FANCC: variants seen among roughly 807,000 people sequenced by gnomAD.
FANCC encodes the protein Fanconi anemia group C protein.
In FANCC, 55 loss-of-function variants were observed where a neutral mutation model predicts 71.3. The observed-to-expected ratio is 0.77, with a 90% CI of 0.62 to 0.97. The LOEUF is 0.97. FANCC is among the 50% of genes least tolerant of loss of function. The pLI, the probability that FANCC is intolerant of heterozygous loss-of-function variation, is 0.00. For missense variants in FANCC, 678 were observed against 670.9 expected (o/e 1.01, Z -0.12); for synonymous variants, 275 against 244.9 (o/e 1.12, Z -1.15).
chr9:95,223,643 G>T (rs1338116662), intron 4 of FANCC, among the ~76,000 whole-genome samples: 1 of 152,098 alleles, frequency 6.6e-6, no homozygotes, highest in Non-Finnish European at 1.5e-5. Flanking sequence ...TAATGAATAG[G>T]TGAGGTTCTT....
At chr9:95,231,184 C>G (rs4647452) in intron 4 of FANCC, among the ~76,000 whole-genome samples, 1,724 of 152,280 alleles carry the variant, frequency 0.011, 31 homozygotes, top group African/African-American at 0.039. Context: ...TATTTTAGAC[C>G]ATGAGTTTAT....
chr9:95,205,688 T>TA (rs1166562785), intron 4 of FANCC, among the ~76,000 whole-genome samples: 1 of 152,056 alleles, frequency 6.6e-6, no homozygotes, highest in African/African-American at 2.4e-5. Context: ...CTAAACTCCA[T>TA]AATTCTCATT....
intron 7 of FANCC, among the ~76,000 whole-genome samples, chr9:95,148,546 A>G (rs968684324): frequency 3.3e-5 from 5 of 152,220 alleles, no homozygotes; most frequent in African/African-American, 1.2e-4. Context: ...ATGTCCACCA[A>G]CATAAGCTTG....
intron 1 of FANCC, among the ~76,000 whole-genome samples, chr9:95,277,089 G>GT (rs1833085242): frequency 6.6e-6 from 1 of 152,192 alleles, no homozygotes; most frequent in South Asian, 2.1e-4. Flanking sequence ...TTCTTGAACA[G>GT]TTATTAGCCA....
chr9:95,159,369 T>C (rs1830620201), intron 6 of FANCC, among the ~76,000 whole-genome samples: 1 of 152,206 alleles, frequency 6.6e-6, no homozygotes, highest in South Asian at 2.1e-4. Context: ...AACTCATCCT[T>C]TTTTATGGCT....
At chr9:95,248,257 G>C (rs1422951833) in intron 2 of FANCC, among the ~76,000 whole-genome samples, 1 of 152,006 alleles carries the variant, frequency 6.6e-6, no homozygotes, top group Non-Finnish European at 1.5e-5. Context: ...GACACAATGG[G>C]CACTTTCTGC....
intron 4 of FANCC, among the ~76,000 whole-genome samples, chr9:95,177,641 T>C (rs1404252127): frequency 6.6e-6 from 1 of 152,356 alleles, no homozygotes; most frequent in East Asian, 1.9e-4. Context: ...CCTTATATCA[T>C]AAGCTTTTCT....
chr9:95,101,860 G>C lies in FANCC; in HGVS notation c.1534-10C>G, dbSNP rs1356632872. 3 of 1,613,836 alleles carry C rather than the reference G, an allele frequency of 1.9e-6. No homozygotes were observed. Among genetic ancestry groups the C allele is most frequent in the Non-Finnish European group, 2.5e-6 (3 of 1,179,920 alleles). On this transcript the variant is annotated splice_polypyrimidine_tract_variant and intron_variant, in intron 14 of 14. Transcript: ENST00000289081. ...CAGCAGTGTGAGCCATCTGCAATCA[G>C]GACAGAAGAGAAGGCAAATTAAAAC...
At chr9:95,107,376 T>A in intron 13 of FANCC, 107 bp from the exon 14 acceptor site, 1 of 1,246,984 alleles carries the variant, frequency 8.0e-7, no homozygotes, top group Non-Finnish European at 1.1e-6. Context: ...GGGTAAGCAC[T>A]GGCCCCTGAG....
At chr9:95,194,901 G>A (rs1340500737) in intron 4 of FANCC, among the ~76,000 whole-genome samples, 2 of 152,054 alleles carry the variant, frequency 1.3e-5, no homozygotes, top group Non-Finnish European at 2.9e-5. Flanking sequence ...AGCAAGTATA[G>A]AAACTATGCC....
chr9:95,241,073 C>CA (rs1475225864), intron 3 of FANCC, among the ~76,000 whole-genome samples: 1 of 152,142 alleles, frequency 6.6e-6, no homozygotes, highest in Non-Finnish European at 1.5e-5. Context: ...TTTTTAAAGC[C>CA]AAACGAGAAT....
chr9:95,141,576 C>T (rs545742364), intron 7 of FANCC, among the ~76,000 whole-genome samples: 1 of 152,044 alleles, frequency 6.6e-6, no homozygotes, highest in African/African-American at 2.4e-5. Flanking sequence ...TTCTAATTTA[C>T]GTTTTCATTT....
chr9:95,264,083 G>C (rs1180296656), intron 1 of FANCC, among the ~76,000 whole-genome samples: 1 of 152,194 alleles, frequency 6.6e-6, no homozygotes, highest in Non-Finnish European at 1.5e-5. Context: ...TCACAGCCCC[G>C]TGTCCTCACA....
chr9:95,188,298 C>A (rs1826859470), intron 4 of FANCC, among the ~76,000 whole-genome samples: 1 of 152,178 alleles, frequency 6.6e-6, no homozygotes, highest in African/African-American at 2.4e-5. Flanking sequence ...AGGTGTCACG[C>A]CACTACTGCC....
Position 95,150,165 on chromosome 9 carries a change from A to G in FANCC, c.522-78T>C, listed in dbSNP as rs1430598921. 4 of 1,506,506 alleles carry G rather than the reference A, an allele frequency of 2.7e-6. No homozygotes were observed. The East Asian group carries it at 9.1e-5, about 34-fold the overall frequency. The allele number at this position is 1,506,506 out of a possible 1,614,324, so 93.3% of individuals were successfully genotyped here. Reference sequence around the variant, plus strand: ...AGGACATATAAAAACCTTCATGCTAAAAAGGTCAAAGACAGATCACCTGTT... The same window carrying G: ...AGGACATATAAAAACCTTCATGCTAGAAAGGTCAAAGACAGATCACCTGTT... On this transcript the variant is annotated intron_variant, in intron 6 of 14. Transcript: ENST00000289081.
intron 6 of FANCC, among the ~76,000 whole-genome samples, chr9:95,158,414 T>A (rs1018597221): frequency 6.6e-6 from 1 of 152,172 alleles, no homozygotes; most frequent in African/African-American, 2.4e-5. Context: ...TGAAAGGATA[T>A]CTGCCACTTA....
In FANCC at chr9:95,229,595, G is replaced by A. The variant is rs570981779; in HGVS notation, c.345+11054C>T. On this transcript the variant is annotated intron_variant, in intron 4 of 14. Transcript: ENST00000289081. Reference sequence around the variant, plus strand: ...TAACTGAGTTAAGGAAGCCTGGAGGGAGAATAAAGTTTTGGGGAAAAGATC... The same window carrying A: ...TAACTGAGTTAAGGAAGCCTGGAGGAAGAATAAAGTTTTGGGGAAAAGATC... 3.9e-5 allele frequency among the ~76,000 whole-genome samples: 6 copies of A among 152,290 alleles called. No homozygotes were observed. The South Asian group carries it at 1.2e-3, about 32-fold the overall frequency.
chr9:95,245,210 T>C (rs1431200948), intron 3 of FANCC, among the ~76,000 whole-genome samples: 1 of 152,164 alleles, frequency 6.6e-6, no homozygotes, highest in Non-Finnish European at 1.5e-5. Flanking sequence ...TCCTTTTTCC[T>C]GCCATCGATA....
intron 10 of FANCC, among the ~76,000 whole-genome samples, chr9:95,122,397 T>C (rs1370225993): frequency 6.6e-6 from 1 of 152,136 alleles, no homozygotes; most frequent in Admixed American, 6.5e-5. Flanking sequence ...TAGATGGCCA[T>C]CAGTTAAAAA....
Sources: allele counts gnomAD v4.1 joint callset (sites outside exome capture counted in the v4.1 genomes callset), GRCh38; gene constraint gnomAD v4.1.1; transcripts MANE v1.5; gene names NCBI Gene and HGNC (gene_info 2026-07-23, HGNC 2026-07-21).